Variants in RAP1GAP2 observed in about 807,000 individuals in gnomAD.
The protein encoded by RAP1GAP2 is RAP1 GTPase activating protein 2.
A neutral mutation model predicts 95.0 loss-of-function variants in RAP1GAP2; 27 were observed. The observed-to-expected ratio is 0.28, with a 90% confidence interval of 0.21 to 0.39. The LOEUF is 0.39. Ranked by LOEUF, RAP1GAP2 falls within the 10% of genes least tolerant of loss-of-function variation. The pLI, the probability that RAP1GAP2 is intolerant of heterozygous loss-of-function variation, is 1.00. For missense variants in RAP1GAP2, 771 were observed against 970.0 expected, an observed-to-expected ratio of 0.79 and a Z score of 2.72; for synonymous variants, 373 against 380.9, an observed-to-expected ratio of 0.98 and a Z score of 0.24.
intron 2 of RAP1GAP2, among the ~76,000 whole-genome samples, chr17:2,813,949 T>G (rs2069886489): frequency 6.6e-6 from 1 of 150,526 alleles, no homozygotes; most frequent in Non-Finnish European, 1.5e-5. Context: ...GGCAACAGAG[T>G]GAGACTCCAT....
chr17:2,930,770 G>T (rs988653122), intron 3 of RAP1GAP2, among the ~76,000 whole-genome samples: 2 of 152,146 alleles, frequency 1.3e-5, no homozygotes, highest in Admixed American at 6.6e-5. Context: ...ATTAGAAACT[G>T]CACGAAACAA....
In RAP1GAP2 at chr17:2,957,670, A is replaced by G. The variant is rs547208705; in HGVS notation, c.166-89A>G. 3.7e-5 allele frequency: 52 copies of G among 1,397,008 alleles called. No homozygotes were observed. In the African/African-American group the frequency reaches 6.4e-4, roughly 17 times the overall value. 86.5% of individuals were successfully genotyped at this position (1,397,008 alleles called of 1,614,324 possible). On this transcript the variant is annotated intron_variant, in intron 3 of 24. Coordinates refer to ENST00000254695, the MANE Select transcript of RAP1GAP2 (RefSeq NM_015085.5). ...TTGTCCCTGGGGAAGCCCCAGGCTC[A>G]GCTTCCTGATAGTTGGTGAGGAAGA... is the stretch of plus-strand genomic sequence containing the variant.
At chr17:2,861,060 G>T (rs1362444153) in intron 2 of RAP1GAP2, among the ~76,000 whole-genome samples, 1 of 152,052 alleles carries the variant, frequency 6.6e-6, no homozygotes, top group Admixed American at 6.6e-5. Flanking sequence ...CTTGGAACAT[G>T]GCAGGCTCGC....
At position 3,036,477 on chromosome 17, in the gene RAP1GAP2, G is replaced by A. The variant is rs2047468391; in HGVS notation, c.*3116G>A. 6.6e-6 allele frequency: 1 copy of A among 152,340 alleles called. No homozygotes were observed. The highest frequency in any genetic ancestry group is 2.4e-5 in the African/African-American group (1 of 41,448). The allele number at this position is 152,340 out of a possible 1,614,324, so 9.4% of individuals were successfully genotyped here. A position where few individuals can be genotyped will look rare whatever the true frequency, so the allele number is the denominator to read the frequency against. ...GGCATGGAGGTGAGCAGTCAAGGAT[G>A]CTGGTGAGGCTGCAGTTTCTGCTCT... is the stretch of plus-strand genomic sequence containing the variant. On this transcript the variant is annotated 3_prime_UTR_variant, in exon 25 of 25. Coordinates refer to ENST00000254695, the MANE Select transcript of RAP1GAP2 (RefSeq NM_015085.5).
At chr17:2,989,591 C>T (rs1198601285) in intron 11 of RAP1GAP2, among the ~76,000 whole-genome samples, 1 of 152,122 alleles carries the variant, frequency 6.6e-6, no homozygotes, top group African/African-American at 2.4e-5. Flanking sequence ...CCTCGGCCTC[C>T]CATAGTGCTA....
chr17:2,874,534 G>A (rs2073001501), intron 2 of RAP1GAP2, among the ~76,000 whole-genome samples: 1 of 152,154 alleles, frequency 6.6e-6, no homozygotes, highest in Admixed American at 6.6e-5. Flanking sequence ...TTCAGTGTAT[G>A]TGCATAAGAA....
At chr17:2,846,108 G>A (rs1342642951) in intron 2 of RAP1GAP2, among the ~76,000 whole-genome samples, 4 of 151,608 alleles carry the variant, frequency 2.6e-5, no homozygotes, top group South Asian at 2.1e-4. Flanking sequence ...GCTTGAACCC[G>A]GGAGGTGGAG....
chr17:2,796,205 G>A (rs1257276311), upstream of RAP1GAP2, among the ~76,000 whole-genome samples: 2 of 152,150 alleles, frequency 1.3e-5, no homozygotes, highest in East Asian at 3.9e-4. This position sits in a 1 kb window ranked among gnomAD's most constrained non-coding sequence, Gnocchi z 4.7. Context: ...CTGGGGCTGT[G>A]TGGGCCGGGC....
chr17:2,889,881 A>T (rs868658986), intron 2 of RAP1GAP2, among the ~76,000 whole-genome samples: 16 of 75,318 alleles, frequency 2.1e-4, no homozygotes, highest in African/African-American at 9.7e-4. Context: ...ATATATATAT[A>T]TATATATATT....
At chr17:2,837,164 T>C (rs1451763349) in intron 2 of RAP1GAP2, among the ~76,000 whole-genome samples, 1 of 151,542 alleles carries the variant, frequency 6.6e-6, no homozygotes, top group Non-Finnish European at 1.5e-5. Context: ...GGCTGGAGGA[T>C]TGCTTACACC....
Position 2,806,495 on chromosome 17 carries a change from C to T in RAP1GAP2, c.80+5945C>T, listed in dbSNP as rs562747362. Among the ~76,000 whole-genome samples the T allele has an allele frequency of 1.7e-4, 25 of 150,404 alleles. 1 individual carries two copies. In the East Asian group the frequency reaches 4.1e-3, roughly 25 times the overall value. ...GCAACCTCCACCTCCTGGGTTCAAG[C>T]GATTCTCCTGCCTCAGCCTCCCGAG... is the stretch of plus-strand genomic sequence containing the variant. On this transcript the variant is annotated intron_variant, in intron 2 of 24. Coordinates refer to ENST00000254695, the MANE Select transcript of RAP1GAP2 (RefSeq NM_015085.5).
rs115743498 is a variant in RAP1GAP2, at chr17:2,896,871, G to A, written c.81-8413G>A. Reference sequence around the variant, plus strand: ...GGCCCGGGCCTCCCCTTGTGCCCACGTGCAGCCACAGGGTCCTGCGCAGGG... The same window carrying A: ...GGCCCGGGCCTCCCCTTGTGCCCACATGCAGCCACAGGGTCCTGCGCAGGG... On this transcript the variant is annotated intron_variant, in intron 2 of 24. Coordinates refer to ENST00000254695, the MANE Select transcript of RAP1GAP2 (RefSeq NM_015085.5). 1.3e-4 allele frequency among the ~76,000 whole-genome samples: 20 copies of A among 152,326 alleles called. No individual in the cohort carries two copies. In the East Asian group the frequency reaches 1.9e-3, roughly 15 times the overall value.
chr17:2,840,821 C>T (rs775500840), intron 2 of RAP1GAP2, among the ~76,000 whole-genome samples: 1 of 152,030 alleles, frequency 6.6e-6, no homozygotes, highest in Non-Finnish European at 1.5e-5. Context: ...AATATGGTGA[C>T]ACCCTGTCTC....
At chr17:2,851,547 C>T (rs970003088) in intron 2 of RAP1GAP2, among the ~76,000 whole-genome samples, 7 of 152,086 alleles carry the variant, frequency 4.6e-5, no homozygotes, top group Non-Finnish European at 8.8e-5. Flanking sequence ...GGACCTCTCA[C>T]TGCCAGGAAA....
chr17:3,025,915 C>T, intron 19 of RAP1GAP2, 93 bp from the exon 20 acceptor site: 1 of 930,108 alleles, frequency 1.1e-6, no homozygotes, highest in Non-Finnish European at 1.7e-6. Flanking sequence ...CACTGCCCCT[C>T]ACCGTGCCGA....
rs181332570 is a variant in RAP1GAP2 at position 2,821,958 on chromosome 17, C to G, written c.80+21408C>G. 3.0e-4 allele frequency among the ~76,000 whole-genome samples: 45 copies of G among 152,280 alleles called. 1 individual carries two copies. The highest frequency in any genetic ancestry group is 2.7e-3 in the Admixed American group (41 of 15,278). ...TGGATTACGCACTGCAGAAACGTCC[C>G]TGGACCCCCAGGCCAGAAGGCATCT... On this transcript the variant is annotated intron_variant, in intron 2 of 24. Transcript: ENST00000254695.
At chr17:2,865,107 C>G (rs1049119389) in intron 2 of RAP1GAP2, among the ~76,000 whole-genome samples, 1 of 152,188 alleles carries the variant, frequency 6.6e-6, no homozygotes, top group African/African-American at 2.4e-5. Context: ...TCCAATCTGT[C>G]TGGTGCCAAA....
At chr17:2,913,905 C>T (rs2042477004) in intron 3 of RAP1GAP2, among the ~76,000 whole-genome samples, 1 of 151,662 alleles carries the variant, frequency 6.6e-6, no homozygotes, top group South Asian at 2.1e-4. Context: ...GAGTCTCGCT[C>T]TGTTGCCCAG....
At chr17:2,953,761 C>A (rs563122104) in intron 3 of RAP1GAP2, among the ~76,000 whole-genome samples, 1 of 152,078 alleles carries the variant, frequency 6.6e-6, no homozygotes, top group African/African-American at 2.4e-5. Context: ...GCAGGAGAAT[C>A]GCTTGAACCC....
Sources: gnomAD v4.1 joint callset for allele counts (sites outside exome capture counted in the v4.1 genomes callset) on GRCh38, gnomAD v4.1.1 for gene constraint, Gnocchi (gnomAD v3.1) non-coding constraint, MANE v1.5 for transcripts, NCBI Gene and HGNC (gene_info 2026-07-23, HGNC 2026-07-21) for gene names.